INSR: variants seen among roughly 807,000 people sequenced by gnomAD.
The protein encoded by INSR is IR.
A neutral mutation model predicts 142.6 loss-of-function variants in INSR; 67 were observed. The observed-to-expected ratio is 0.47, with a 90% CI of 0.39 to 0.58. The LOEUF (loss-of-function observed/expected upper bound fraction) is 0.58, where lower values mean the gene tolerates loss of function less well. Among genes scored for constraint, INSR ranks in the 20% least tolerant of loss-of-function variants. The pLI, the probability that INSR is intolerant of heterozygous loss-of-function variation, is 0.00. For synonymous variants in INSR, 756 were observed against 743.1 expected (o/e 1.02, Z -0.28); for missense variants, 1,248 against 1,833.2 (o/e 0.68, Z 5.83).
At position 7,276,775 on chromosome 19, in the gene INSR, G is replaced by C. The variant is rs77399454; in HGVS notation, c.101-8879C>G. ...AGACGGAGTCTCACTCTGTCTCCCA[G>C]GCTGGAGTGCAGTAGCGTGATCTCG... On this transcript the variant is annotated intron_variant, in intron 1 of 21. Transcript: ENST00000302850. Among the ~76,000 whole-genome samples, 2,420 of 152,138 alleles carry C rather than the reference G, an allele frequency of 0.016. 107 individuals are homozygous for C. In the East Asian group the frequency reaches 0.16, roughly 10 times the overall value.
At chr19:7,276,206 T>A (rs1293565302) in intron 1 of INSR, among the ~76,000 whole-genome samples, 1 of 151,346 alleles carries the variant, frequency 6.6e-6, no homozygotes, top group Non-Finnish European at 1.5e-5. Context: ...AGTGCAGTGG[T>A]GCAATCATAG....
At chr19:7,149,420 C>G (rs544946784) in intron 11 of INSR, among the ~76,000 whole-genome samples, 32 of 152,286 alleles carry the variant, frequency 2.1e-4, no homozygotes, top group Middle Eastern at 3.4e-3. Context: ...CCTGTTCCTC[C>G]CAAAAGCCAC....
Position 7,172,538 on chromosome 19 carries a change from C to A in INSR, c.1124-104G>T, listed in dbSNP as rs1974042264. 7 of 1,247,810 alleles carry A rather than the reference C, an allele frequency of 5.6e-6. No individual in the cohort carries two copies. In the South Asian group the frequency reaches 8.4e-5, roughly 15 times the overall value. 77.3% of individuals were successfully genotyped at this position (1,247,810 alleles called of 1,614,324 possible). On this transcript the variant is annotated intron_variant, in intron 4 of 21. Transcript: ENST00000302850. ...AACCCTCAGGCTGCAAATGACTGGA[C>A]ATACCCAGCTCAAAACTCATCATGC...
At chr19:7,251,387 G>T (rs1976722415) in intron 2 of INSR, among the ~76,000 whole-genome samples, 1 of 152,032 alleles carries the variant, frequency 6.6e-6, no homozygotes, top group Middle Eastern at 3.4e-3. Flanking sequence ...CTCCCGAGTA[G>T]CTGGGACTAC....
intron 2 of INSR, among the ~76,000 whole-genome samples, chr19:7,239,924 G>A (rs1320166593): frequency 1.3e-5 from 2 of 152,162 alleles, no homozygotes; most frequent in African/African-American, 4.8e-5. Context: ...GAGGAAGATC[G>A]CAGAGTTTTT....
chr19:7,235,658 TG>T (rs1008281509), intron 2 of INSR, among the ~76,000 whole-genome samples: 22 of 152,134 alleles, frequency 1.4e-4, no homozygotes, highest in African/African-American at 5.3e-4. Flanking sequence ...AAGACCAGCC[TG>T]GGCAAGGTAG....
intron 8 of INSR, among the ~76,000 whole-genome samples, chr19:7,164,291 C>T (rs1973838205): frequency 6.6e-6 from 1 of 152,062 alleles, no homozygotes; most frequent in Admixed American, 6.6e-5. Flanking sequence ...GCTGTAACAA[C>T]CAAAAATGTC....
At chr19:7,117,689 C>G (rs1972370793) in intron 21 of INSR, among the ~76,000 whole-genome samples, 1 of 152,180 alleles carries the variant, frequency 6.6e-6, no homozygotes, top group Non-Finnish European at 1.5e-5. Context: ...TCACTGCAGC[C>G]TCTGCCTCCT....
intron 2 of INSR, among the ~76,000 whole-genome samples, chr19:7,202,499 G>GT (rs1974989424): frequency 1.3e-5 from 2 of 152,042 alleles, no homozygotes; most frequent in South Asian, 4.2e-4. Flanking sequence ...TTTGTTTTGT[G>GT]TTTTTTGTTT....
intron 2 of INSR, among the ~76,000 whole-genome samples, chr19:7,263,107 C>T (rs1977113922): frequency 6.6e-6 from 1 of 151,970 alleles, no homozygotes; most frequent in South Asian, 2.1e-4. Context: ...GCAAAGCCCC[C>T]TCTGTCCTGA....
At chr19:7,234,104 C>G (rs1365618386) in intron 2 of INSR, among the ~76,000 whole-genome samples, 1 of 152,000 alleles carries the variant, frequency 6.6e-6, no homozygotes, top group African/African-American at 2.4e-5. Flanking sequence ...TGGGGTTTCA[C>G]TATGTTGGGC....
chr19:7,187,341 C>A (rs1010839963), intron 2 of INSR, among the ~76,000 whole-genome samples: 21 of 152,028 alleles, frequency 1.4e-4, no homozygotes, highest in Non-Finnish European at 2.5e-4. Context: ...CCTGGCCCCC[C>A]AAAGTACTGG....
chr19:7,150,612 A>C lies in INSR; in HGVS notation c.2232-80T>G. ...CACTGGGCTCTGACACTTGGAGGCC[A>C]CATGTGTCCGAGTAAGGGCACCCTG... On this transcript the variant is annotated intron_variant, in intron 10 of 21. Coordinates refer to ENST00000302850, the MANE Select transcript of INSR (RefSeq NM_000208.4). This position sits in a 1 kb window ranked among gnomAD's most constrained non-coding sequence, Gnocchi z 4.2. The C allele has an allele frequency of 1.4e-6, 2 of 1,400,744 alleles. No individual in the cohort carries two copies. The highest frequency in any genetic ancestry group is 2.0e-6 in the Non-Finnish European group (2 of 989,196). The allele number at this position is 1,400,744 out of a possible 1,614,324, so 86.8% of individuals were successfully genotyped here.
chr19:7,274,697 C>G (rs113342697), intron 1 of INSR, among the ~76,000 whole-genome samples: 23,412 of 150,144 alleles, frequency 0.16, 2,201 homozygotes, highest in East Asian at 0.21. Context: ...CAGCTACACT[C>G]GGGAGGCTGA....
Position 7,168,156 on chromosome 19 carries a change from T to G in INSR, c.1484-62A>C. The G allele has an allele frequency of 6.4e-7, 1 of 1,566,708 alleles. No homozygotes were observed. Among genetic ancestry groups the G allele is most frequent in the Non-Finnish European group, 8.8e-7 (1 of 1,140,112 alleles). ...TTCAGTGTAGTTTCAGACCAAAGCC[T>G]GGGACCCCCACACTTCCTGGAGGGA... On this transcript the variant is annotated intron_variant, in intron 6 of 21. Coordinates refer to ENST00000302850, the MANE Select transcript of INSR (RefSeq NM_000208.4). The surrounding 1 kb of genome is among the most constrained non-coding windows in gnomAD (Gnocchi z 4.3).
chr19:7,168,973 T>C lies in INSR; in HGVS notation c.1484-879A>G, dbSNP rs958707305. On this transcript the variant is annotated intron_variant, in intron 6 of 21. Coordinates refer to ENST00000302850, the MANE Select transcript of INSR (RefSeq NM_000208.4). This position sits in a 1 kb window ranked among gnomAD's most constrained non-coding sequence, Gnocchi z 4.3. ...ATCCCAGAAGCCCTTGGCAGCTCAC[T>C]GTTTAGAATCTGTCAGGGAAGTGCA... Among the ~76,000 whole-genome samples the C allele has an allele frequency of 2.6e-5, 4 of 152,222 alleles. No homozygotes were observed. Among genetic ancestry groups the C allele is most frequent in the African/African-American group, 9.6e-5 (4 of 41,472 alleles).
rs138289202 is a variant in INSR, at chr19:7,197,719, A to AGTGTGT, written c.653-13088_653-13083dup. ...TGTGTTTGGCAGGTTCCAGAGTGGGAGTGTGTGTGTGTGTGTGATTGGCAG... is the reference window on the plus strand; with the variant it reads ...TGTGTTTGGCAGGTTCCAGAGTGGGAGTGTGTGTGTGTGTGTGTGTGTGATTGGCAG... On this transcript the variant is annotated intron_variant, in intron 2 of 21. Coordinates refer to ENST00000302850, the MANE Select transcript of INSR (RefSeq NM_000208.4). 1.2e-3 allele frequency among the ~76,000 whole-genome samples: 64 copies of AGTGTGT among 55,014 alleles called. 3 individuals carry two copies. Among genetic ancestry groups the AGTGTGT allele is most frequent in the African/African-American group, 4.0e-3 (49 of 12,138 alleles). 36.1% of individuals were successfully genotyped at this position (55,014 alleles called of 152,430 possible). A position where few individuals can be genotyped will look rare whatever the true frequency, so the allele number is the denominator to read the frequency against.
chr19:7,155,721 T>C (rs1248694564), intron 9 of INSR, among the ~76,000 whole-genome samples: 2 of 151,532 alleles, frequency 1.3e-5, no homozygotes, highest in Admixed American at 1.3e-4. Context: ...AAGATAAGCC[T>C]GGCCAACAAG....
intron 2 of INSR, among the ~76,000 whole-genome samples, chr19:7,202,086 C>T (rs929108760): frequency 6.6e-6 from 1 of 152,172 alleles, no homozygotes; most frequent in Non-Finnish European, 1.5e-5. Flanking sequence ...TGGAAAAGTT[C>T]TGTATCTGTT....
Sources: allele counts gnomAD v4.1 joint callset (sites outside exome capture counted in the v4.1 genomes callset), GRCh38; gene constraint gnomAD v4.1.1; non-coding constraint Gnocchi (gnomAD v3.1); transcripts MANE v1.5; gene names NCBI Gene and HGNC (gene_info 2026-07-23, HGNC 2026-07-21).